The following BEAN1 variants were observed in gnomAD, a reference collection of about 807,000 sequenced individuals.
BEAN1 encodes brain expressed associated with NEDD4 1.
A neutral mutation model predicts 17.7 loss-of-function variants in BEAN1; 17 were observed. That is an observed-to-expected ratio of 0.96 (90% confidence interval 0.66 to 1.44). The LOEUF (loss-of-function observed/expected upper bound fraction) is 1.44, where lower values mean the gene tolerates loss of function less well. Ranked by LOEUF, BEAN1 falls within the 40% of genes most tolerant of loss-of-function variation. The pLI is 0.00. For synonymous variants in BEAN1, 142 were observed against 151.8 expected (o/e 0.94, Z 0.47); for missense variants, 359 against 374.1 (o/e 0.96, Z 0.33).
At chr16:66,490,859 A>G (rs1321227178) in intron 4 of BEAN1, among the ~76,000 whole-genome samples, 1 of 152,214 alleles carries the variant, frequency 6.6e-6, no homozygotes, top group East Asian at 1.9e-4. Flanking sequence ...TTTCAGAGTG[A>G]CAAGCAGTGG....
chr16:66,492,931 C>A, intron 4 of BEAN1: 1 of 690,418 alleles, frequency 1.4e-6, no homozygotes, highest in Non-Finnish European at 2.6e-6. Context: ...AGGCCTGTCC[C>A]ACTCCTAACA....
chr16:66,485,140 C>A (rs760118642), downstream of BEAN1: 1 of 453,144 alleles, frequency 2.2e-6, no homozygotes, highest in East Asian at 7.0e-5. Context: ...ACAGCCACCA[C>A]GAGGAACATC....
intron 4 of BEAN1, among the ~76,000 whole-genome samples, chr16:66,492,515 C>T (rs1392613159): frequency 6.6e-6 from 1 of 152,128 alleles, no homozygotes. Context: ...TCTGTCCTCA[C>T]TGCAACCTCC....
At chr16:66,474,001 C>T (rs1284122158) in intron 3 of BEAN1, among the ~76,000 whole-genome samples, 1 of 152,174 alleles carries the variant, frequency 6.6e-6, no homozygotes, top group Non-Finnish European at 1.5e-5. Flanking sequence ...TAGCTCCAGC[C>T]CGCAGGTCAG....
chr16:66,488,176 T>G (rs1317773928), intron 4 of BEAN1, among the ~76,000 whole-genome samples: 1 of 150,550 alleles, frequency 6.6e-6, no homozygotes, highest in Non-Finnish European at 1.5e-5. Context: ...CCAGAATGAA[T>G]GTAGTTAGTA....
In BEAN1 at chr16:66,482,236, G is replaced by C. The variant is rs1004888561; in HGVS notation, c.*1311G>C. On this transcript the variant is annotated 3_prime_UTR_variant, in exon 5 of 5. Transcript: ENST00000536005. ...AGCAGTGTCCCTGCTAGCATCGCCA[G>C]CGGCCATCACTCTGCCTCCCTCCCA... is the stretch of plus-strand genomic sequence containing the variant. 1.3e-5 allele frequency: 2 copies of C among 153,258 alleles called. No homozygotes were observed. The highest frequency in any genetic ancestry group is 4.8e-5 in the African/African-American group (2 of 41,456). The allele number at this position is 153,258 out of a possible 1,614,324, so 9.5% of individuals were successfully genotyped here.
chr16:66,436,558 G>A (rs552702297), intron 1 of BEAN1, among the ~76,000 whole-genome samples: 2 of 150,208 alleles, frequency 1.3e-5, no homozygotes, highest in Middle Eastern at 3.4e-3. Flanking sequence ...GATTACAGGT[G>A]TGAGCCACTG....
chr16:66,446,251 A>C (rs1202947048), intron 2 of BEAN1, among the ~76,000 whole-genome samples: 4 of 151,920 alleles, frequency 2.6e-5, no homozygotes, highest in African/African-American at 9.7e-5. Context: ...TTGGACCAGG[A>C]GGTTCATAGT....
chr16:66,439,331 C>A (rs188591461), intron 2 of BEAN1, among the ~76,000 whole-genome samples: 1 of 152,278 alleles, frequency 6.6e-6, no homozygotes, highest in East Asian at 1.9e-4. Context: ...AGTCCCAGGC[C>A]AGGAGAGGAG....
intron 2 of BEAN1, among the ~76,000 whole-genome samples, chr16:66,458,308 G>T (rs145521552): frequency 1.3e-3 from 197 of 152,254 alleles, no homozygotes; most frequent in African/African-American, 4.5e-3. Context: ...GGGAGTGATG[G>T]TCTGCCTCAG....
chr16:66,436,413 G>T (rs1444338429), intron 1 of BEAN1, among the ~76,000 whole-genome samples: 2 of 149,732 alleles, frequency 1.3e-5, no homozygotes, highest in Non-Finnish European at 3.0e-5. Context: ...GACTACAGGC[G>T]CCTGCCACCA....
rs147414465 is a variant in BEAN1 at position 66,438,332 on chromosome 16, C to T, written c.25+631C>T. Among the ~76,000 whole-genome samples the T allele has an allele frequency of 1.6e-4, 25 of 151,688 alleles. No homozygotes were observed. The East Asian group carries it at 4.7e-3, about 28-fold the overall frequency. On this transcript the variant is annotated intron_variant, in intron 2 of 4. Coordinates refer to ENST00000536005, the MANE Select transcript of BEAN1 (RefSeq NM_001178020.3). The stretch of plus-strand genomic sequence containing the variant: ...CCGGGAGGCGGAGGTTGCAGTGAGC[C>T]GAGATCACACCATTGCACTCCAGCC...
chr16:66,493,318 G>A (rs1252497904), exon 5 of BEAN1: 4 of 697,386 alleles, frequency 5.7e-6, no homozygotes, highest in Non-Finnish European at 1.0e-5. Flanking sequence ...CCTCAGAAGG[G>A]GTGGGGTCCG....
At chr16:66,490,396 CAATAA>C (rs202234411) in intron 4 of BEAN1, among the ~76,000 whole-genome samples, 1,156 of 67,560 alleles carry the variant, frequency 0.017, 51 homozygotes, top group African/African-American at 0.036. Flanking sequence ...GACTCTGTTT[CAATAA>C]AATAAAATAA....
chr16:66,471,351 A>G lies in BEAN1; in HGVS notation c.289+1486A>G, dbSNP rs1039954970. The stretch of plus-strand genomic sequence containing the variant: ...ATAATCTCACTGCAAAATCCTCACC[A>G]TGGTCCTAGTGAGATGATAACTCAC... On this transcript the variant is annotated intron_variant, in intron 3 of 4. Coordinates refer to ENST00000536005, the MANE Select transcript of BEAN1 (RefSeq NM_001178020.3). The surrounding 1 kb of genome is among the most constrained non-coding windows in gnomAD (Gnocchi z 4.7). Among the ~76,000 whole-genome samples, 1 of 152,176 alleles carries G rather than the reference A, an allele frequency of 6.6e-6. No homozygotes were observed. Among genetic ancestry groups the G allele is most frequent in the Non-Finnish European group, 1.5e-5 (1 of 68,030 alleles).
At chr16:66,487,433 G>T (rs898538960), downstream of BEAN1, among the ~76,000 whole-genome samples, 1 of 152,182 alleles carries the variant, frequency 6.6e-6, no homozygotes, top group Non-Finnish European at 1.5e-5. Context: ...CCAGCACAGA[G>T]CCCAGGAGGG....
chr16:66,428,317 G>C (rs1961660753), intron 1 of BEAN1: 1 of 152,514 alleles, frequency 6.6e-6, no homozygotes, highest in Non-Finnish European at 1.5e-5. Context: ...GGCGCAGGCT[G>C]GGAAAGGGAG....
At chr16:66,441,899 C>T (rs1018833361) in intron 2 of BEAN1, among the ~76,000 whole-genome samples, 4 of 152,142 alleles carry the variant, frequency 2.6e-5, no homozygotes, top group Admixed American at 6.5e-5. Flanking sequence ...CACCCCTCAA[C>T]ACCGTCTTAC....
chr16:66,471,386 G>C lies in BEAN1; in HGVS notation c.289+1521G>C, dbSNP rs538377678. On this transcript the variant is annotated intron_variant, in intron 3 of 4. Transcript: ENST00000536005. The surrounding 1 kb of genome is among the most constrained non-coding windows in gnomAD (Gnocchi z 4.7). The stretch of plus-strand genomic sequence containing the variant: ...TGAGATGATAACTCACTTGAGCCCA[G>C]GCAGCCTGACCTGGCACCCACAGGC... Among the ~76,000 whole-genome samples, 1 of 152,330 alleles carries C rather than the reference G, an allele frequency of 6.6e-6. No individual in the cohort carries two copies. Among genetic ancestry groups the C allele is most frequent in the East Asian group, 1.9e-4 (1 of 5,178 alleles).
Sources: gnomAD v4.1 joint callset for allele counts (sites outside exome capture counted in the v4.1 genomes callset) on GRCh38, gnomAD v4.1.1 for gene constraint, Gnocchi (gnomAD v3.1) non-coding constraint, MANE v1.5 for transcripts, NCBI Gene and HGNC (gene_info 2026-07-23, HGNC 2026-07-21) for gene names.